The following ZMYM2 variants were observed in gnomAD, a reference collection of about 807,000 sequenced individuals.
The protein encoded by ZMYM2 is zinc finger MYM-type protein 2.
In ZMYM2, 56 loss-of-function variants were observed where a neutral mutation model predicts 162.8. That is an observed-to-expected ratio of 0.34 (90% CI 0.28 to 0.43). ZMYM2 has a LOEUF of 0.43. Among genes scored for constraint, ZMYM2 ranks in the 20% least tolerant of loss-of-function variants. ZMYM2 has a pLI of 1.00. For synonymous variants in ZMYM2, 510 were observed against 541.6 expected (o/e 0.94, Z 0.81); for missense variants, 1,275 against 1,621.8 (o/e 0.79, Z 3.67).
chr13:20,047,236 C>T lies in ZMYM2; in HGVS notation c.2293-4197C>T, dbSNP rs548280780. Among the ~76,000 whole-genome samples, 171 of 152,304 alleles carry T rather than the reference C, an allele frequency of 1.1e-3. 1 individual carries two copies. The Middle Eastern group carries it at 0.017, about 15-fold the overall frequency. ...ATTGTAATCAAATGGTAACTTTATT[C>T]TCTGTGCTTTCTACTTGAGTCAGAC... On this transcript the variant is annotated intron_variant, in intron 12 of 24. Transcript: ENST00000610343.
the ZMYM2 span, among the ~76,000 whole-genome samples, chr13:19,874,159 A>G: frequency 5.3e-5 from 8 of 152,160 alleles, no homozygotes; most frequent in African/African-American, 1.4e-4. Context: ...TCAGTGCCTC[A>G]TTCATCAAAT....
the ZMYM2 span, among the ~76,000 whole-genome samples, chr13:19,943,173 G>A: frequency 7.9e-5 from 12 of 152,186 alleles, no homozygotes; most frequent in Admixed American, 6.5e-5. Flanking sequence ...TCATATGGCC[G>A]TCTTCTCCCC....
chr13:20,036,896 A>T lies in ZMYM2; in HGVS notation c.2279A>T (p.Asp760Val). The T allele has an allele frequency of 6.2e-7, 1 of 1,609,384 alleles. No homozygotes were observed. The highest frequency in any genetic ancestry group is 8.5e-7 in the Non-Finnish European group (1 of 1,178,014). The change falls in exon 12 of 25, where the codon GAT (aspartate) becomes GTT (valine). Residue 760 changes from aspartate (D) to valine (V), a missense_variant. Coordinates refer to ENST00000610343, the MANE Select transcript of ZMYM2 (RefSeq NM_197968.4). The part of the protein sequence containing the change: ...CSEDCCKKFQ[D>V]WYYKAARCDC... ...GAAGATTGCTGTAAAAAATTTCAGG[A>T]TTGGTACTACAAGGCGAGTAACTCC...
At chr13:19,983,269 G>A (rs778164090) in intron 2 of ZMYM2, among the ~76,000 whole-genome samples, 6 of 151,362 alleles carry the variant, frequency 4.0e-5, no homozygotes, top group African/African-American at 1.5e-4. Context: ...CTCAGCCTCC[G>A]GAGTAGCTGG....
chr13:20,003,268 T>C (rs1009646573), intron 4 of ZMYM2, 133 bp downstream of exon 4: 4 of 1,072,218 alleles, frequency 3.7e-6, no homozygotes, highest in Non-Finnish European at 5.3e-6. Context: ...GATAAAAGGC[T>C]TCCTGTTTGG....
chr13:20,052,917 A>G (rs867696966), intron 14 of ZMYM2, among the ~76,000 whole-genome samples: 3 of 152,164 alleles, frequency 2.0e-5, no homozygotes, highest in Middle Eastern at 6.8e-3. Flanking sequence ...AGATCTGAAG[A>G]TATATGTTGG....
At chr13:19,920,736 GTGTATGTATGTATGTATGTA>G in the ZMYM2 span, among the ~76,000 whole-genome samples, 6 of 149,850 alleles carry the variant, frequency 4.0e-5, no homozygotes, top group Admixed American at 6.7e-5. Flanking sequence ...TCATTTATGT[GTGTATGTATGTATGTATGTA>G]TGTATGTATG....
intron 3 of ZMYM2, among the ~76,000 whole-genome samples, chr13:20,001,091 A>G (rs1594281514): frequency 6.6e-6 from 1 of 152,288 alleles, no homozygotes; most frequent in African/African-American, 2.4e-5. Flanking sequence ...AACTAGAATT[A>G]GTAGTGGAAC....
chr13:19,931,519 G>A, the ZMYM2 span, among the ~76,000 whole-genome samples: 1 of 152,076 alleles, frequency 6.6e-6, no homozygotes, highest in Non-Finnish European at 1.5e-5. Flanking sequence ...TCCTTTTACT[G>A]TCTTCATAGT....
chr13:19,992,964 AAAAAT>A (rs1181651289), intron 2 of ZMYM2, 94 bp from the exon 3 acceptor site: 18 of 1,302,556 alleles, frequency 1.4e-5, no homozygotes, highest in Middle Eastern at 2.1e-4. Flanking sequence ...CATTTAGAAT[AAAAAT>A]AAAATAAAAG....
chr13:19,894,739 G>A, the ZMYM2 span, among the ~76,000 whole-genome samples: 1 of 151,988 alleles, frequency 6.6e-6, no homozygotes, highest in Non-Finnish European at 1.5e-5. Flanking sequence ...TCTATTGAAT[G>A]TGTATTGCCT....
the ZMYM2 span, among the ~76,000 whole-genome samples, chr13:19,871,607 C>G: frequency 2.6e-5 from 4 of 152,020 alleles, no homozygotes; most frequent in Admixed American, 2.6e-4. Context: ...TCATTCATAA[C>G]TATATGGTGA....
chr13:20,079,299 AGAGT>A (rs1288510766), intron 21 of ZMYM2, among the ~76,000 whole-genome samples: 4 of 137,680 alleles, frequency 2.9e-5, no homozygotes, highest in Admixed American at 2.3e-4. Context: ...GCCTGGCAAC[AGAGT>A]AAGACTCTGT....
At chr13:20,066,768 C>T in intron 19 of ZMYM2, 83 bp from the exon 20 acceptor site, 1 of 1,331,782 alleles carries the variant, frequency 7.5e-7, no homozygotes, top group Admixed American at 3.2e-5. Flanking sequence ...TGTAATTTGC[C>T]TTTGTTGAGA....
At chr13:19,994,006 T>A (rs1566245778) in intron 3 of ZMYM2, 87 bp downstream of exon 3, 1 of 1,414,176 alleles carries the variant, frequency 7.1e-7, no homozygotes, top group Non-Finnish European at 9.5e-7. Context: ...GGTATTACCT[T>A]GTTTAGTTTC....
At chr13:20,005,331 C>T (rs1449722783) in intron 5 of ZMYM2, 92 bp downstream of exon 5, 2 of 955,678 alleles carry the variant, frequency 2.1e-6, no homozygotes, top group African/African-American at 3.5e-5. Context: ...TTATCAGTTC[C>T]TTAAAAATGA....
the ZMYM2 span, among the ~76,000 whole-genome samples, chr13:19,874,777 C>T: frequency 6.6e-6 from 1 of 152,168 alleles, no homozygotes; most frequent in Non-Finnish European, 1.5e-5. Context: ...AAGCCTACTA[C>T]AGCTAGTGAG....
rs374168017 is a variant in ZMYM2 at position 19,983,167 on chromosome 13, C to T, written c.-10-9896C>T. ...TTTCACTTTTTTTTTTTTTTTGAGA[C>T]GGAGTCTCATTCTGTTGCCCAGGTT... On this transcript the variant is annotated intron_variant, in intron 2 of 24. Coordinates refer to ENST00000610343, the MANE Select transcript of ZMYM2 (RefSeq NM_197968.4). Among the ~76,000 whole-genome samples the T allele has an allele frequency of 1.1e-4, 15 of 140,932 alleles. No individual in the cohort carries two copies. In the South Asian group the frequency reaches 1.7e-3, roughly 16 times the overall value. The allele number at this position is 140,932 out of a possible 152,430, so 92.5% of individuals were successfully genotyped here.
At chr13:20,031,876 T>TTC (rs1382420993) in intron 10 of ZMYM2, among the ~76,000 whole-genome samples, 4 of 148,444 alleles carry the variant, frequency 2.7e-5, no homozygotes, top group African/African-American at 1.0e-4. Context: ...TTTTTTTTTT[T>TTC]TTTTTTCTTT....
Sources: allele counts gnomAD v4.1 joint callset (sites outside exome capture counted in the v4.1 genomes callset), GRCh38; gene constraint gnomAD v4.1.1; transcripts MANE v1.5; gene names NCBI Gene and HGNC (gene_info 2026-07-23, HGNC 2026-07-21).